The following STXBP6 variants were observed in gnomAD, a reference collection of about 807,000 sequenced individuals.
The protein encoded by STXBP6 is syntaxin binding protein 6.
STXBP6 carries 21 observed loss-of-function variants against 26.9 expected under a neutral mutation model. The observed-to-expected ratio is 0.78, with a 90% CI of 0.55 to 1.12. STXBP6 has a LOEUF of 1.12. Among genes scored for constraint, STXBP6 ranks in the 50% most tolerant of loss-of-function variants. The probability of loss-of-function intolerance (pLI) is 0.00; values close to 1 mark genes in which losing one functional copy is unlikely to be tolerated. For synonymous variants in STXBP6, 97 were observed against 92.6 expected (o/e 1.05, Z -0.27); for missense variants, 232 against 257.9 (o/e 0.90, Z 0.69).
intron 2 of STXBP6, among the ~76,000 whole-genome samples, chr14:24,923,863 C>G (rs2072069198): frequency 1.3e-5 from 2 of 152,160 alleles, no homozygotes; most frequent in African/African-American, 4.8e-5. Flanking sequence ...TTGCACATGG[C>G]AGTCTTTTCA....
chr14:24,940,471 T>C (rs2877686), intron 2 of STXBP6, among the ~76,000 whole-genome samples: 21,264 of 152,166 alleles, frequency 0.14, 1,707 homozygotes, highest in East Asian at 0.36. Flanking sequence ...ATTTTCCCTT[T>C]ATCCTCAATC....
intron 1 of STXBP6, among the ~76,000 whole-genome samples, chr14:25,014,222 T>G (rs1422076016): frequency 1.3e-5 from 2 of 152,130 alleles, no homozygotes; most frequent in Non-Finnish European, 2.9e-5. Flanking sequence ...TGGCTGGGTG[T>G]GGTGGCTCAC....
At chr14:24,823,323 G>C (rs2068193624) in intron 4 of STXBP6, among the ~76,000 whole-genome samples, 1 of 152,110 alleles carries the variant, frequency 6.6e-6, no homozygotes, top group South Asian at 2.1e-4. Flanking sequence ...TGAGAAAAAA[G>C]AGTAAAGTAT....
At chr14:24,844,588 G>GTGGA (rs1303024421) in intron 4 of STXBP6, among the ~76,000 whole-genome samples, 1 of 152,180 alleles carries the variant, frequency 6.6e-6, no homozygotes, top group Non-Finnish European at 1.5e-5. Context: ...GTTACTTGGT[G>GTGGA]TGGAAAACCC....
chr14:24,879,134 C>T (rs936382759), intron 2 of STXBP6, among the ~76,000 whole-genome samples: 1 of 152,072 alleles, frequency 6.6e-6, no homozygotes, highest in African/African-American at 2.4e-5. Flanking sequence ...AAAATAGCTT[C>T]CTTTTAAAGA....
chr14:25,009,167 T>C (rs2074973818), intron 1 of STXBP6, among the ~76,000 whole-genome samples: 1 of 152,322 alleles, frequency 6.6e-6, no homozygotes, highest in African/African-American at 2.4e-5. Context: ...ACTATCGAAC[T>C]GTATTATAAG....
intron 2 of STXBP6, among the ~76,000 whole-genome samples, chr14:24,959,690 A>C (rs991542747): frequency 3.3e-5 from 5 of 152,206 alleles, no homozygotes; most frequent in African/African-American, 4.8e-5. Context: ...CTTACATATA[A>C]AGTATAACAA....
Position 24,904,306 on chromosome 14 carries a change from T to C in STXBP6, c.155-47149A>G, listed in dbSNP as rs143358628. Among the ~76,000 whole-genome samples the C allele has an allele frequency of 6.2e-3, 951 of 152,296 alleles. 7 individuals are homozygous for C. The highest frequency in any genetic ancestry group is 0.022 in the African/African-American group (904 of 41,566). The stretch of plus-strand genomic sequence containing the variant: ...CTTCATATCTACGCGGTTAAGTCAA[T>C]TACCCCATCTACGTTGACAGGGAAC... On this transcript the variant is annotated intron_variant, in intron 2 of 5. Coordinates refer to ENST00000323944, the MANE Select transcript of STXBP6 (RefSeq NM_001394410.1).
At chr14:24,832,159 C>A (rs750393266) in intron 4 of STXBP6, among the ~76,000 whole-genome samples, 16 of 152,116 alleles carry the variant, frequency 1.1e-4, no homozygotes, top group Non-Finnish European at 2.1e-4. Flanking sequence ...TACACATGTG[C>A]CAGTTTATGA....
chr14:24,988,887 AGT>A (rs1212320646), intron 1 of STXBP6, among the ~76,000 whole-genome samples: 3 of 152,196 alleles, frequency 2.0e-5, no homozygotes, highest in Non-Finnish European at 4.4e-5. Context: ...TTTGGTACTA[AGT>A]GTTCTTGAAG....
intron 2 of STXBP6, among the ~76,000 whole-genome samples, chr14:24,885,508 A>G (rs538826837): frequency 4.9e-4 from 74 of 152,304 alleles, no homozygotes; most frequent in Admixed American, 1.8e-3. Flanking sequence ...TCAATCCCCT[A>G]CCTTCACAAG....
intron 2 of STXBP6, among the ~76,000 whole-genome samples, chr14:24,862,869 G>C (rs1435764311): frequency 6.6e-6 from 1 of 152,122 alleles, no homozygotes; most frequent in Non-Finnish European, 1.5e-5. Context: ...TAGAGCAAGT[G>C]CCTGCCCTAC....
At chr14:24,971,134 C>T (rs1048063841) in intron 2 of STXBP6, among the ~76,000 whole-genome samples, 2 of 152,112 alleles carry the variant, frequency 1.3e-5, no homozygotes, top group African/African-American at 2.4e-5. Flanking sequence ...GCACCTTTTT[C>T]GGATACCTCC....
chr14:24,833,031 G>C (rs1014092982), intron 4 of STXBP6, among the ~76,000 whole-genome samples: 4 of 152,280 alleles, frequency 2.6e-5, no homozygotes, highest in Middle Eastern at 3.4e-3. Context: ...TAGAAATCTT[G>C]ATTTGAATTC....
chr14:24,978,573 A>G (rs541202709), intron 1 of STXBP6, among the ~76,000 whole-genome samples: 11 of 152,318 alleles, frequency 7.2e-5, no homozygotes, highest in African/African-American at 2.6e-4. Context: ...ACTCCAACCT[A>G]TATCACCCCA....
chr14:24,941,638 T>C (rs1170443816), intron 2 of STXBP6, among the ~76,000 whole-genome samples: 1 of 152,200 alleles, frequency 6.6e-6, no homozygotes, highest in African/African-American at 2.4e-5. Context: ...TTTTGACTTC[T>C]GTCCTGGGGC....
intron 2 of STXBP6, among the ~76,000 whole-genome samples, chr14:24,868,959 GA>G (rs1366580792): frequency 6.6e-6 from 1 of 152,166 alleles, no homozygotes; most frequent in Admixed American, 6.5e-5. Context: ...CATATGTCAG[GA>G]AAATAAAGAT....
chr14:25,035,027 T>C (rs555816005), intron 1 of STXBP6, among the ~76,000 whole-genome samples: 83 of 152,006 alleles, frequency 5.5e-4, no homozygotes, highest in African/African-American at 1.5e-3. Flanking sequence ...GGCGTGCACC[T>C]ATAATCCCAG....
At chr14:24,992,074 GT>G (rs933823720) in intron 1 of STXBP6, among the ~76,000 whole-genome samples, 69 of 152,308 alleles carry the variant, frequency 4.5e-4, no homozygotes, top group Admixed American at 1.4e-3. Flanking sequence ...TTACCGGTCT[GT>G]TTTTCCAACC....
Sources: allele counts gnomAD v4.1 joint callset (sites outside exome capture counted in the v4.1 genomes callset), GRCh38; gene constraint gnomAD v4.1.1; transcripts MANE v1.5; gene names NCBI Gene and HGNC (gene_info 2026-07-23, HGNC 2026-07-21).